Variants in C5orf24 observed in about 807,000 individuals in gnomAD.
C5orf24 encodes chromosome 5 open reading frame 24.
A neutral mutation model predicts 9.8 loss-of-function variants in C5orf24; 4 were observed. The ratio of observed to expected loss-of-function variants is 0.41; its 90% CI spans 0.20 to 0.93. C5orf24 has a LOEUF of 0.93. Ranked by LOEUF, C5orf24 falls within the 40% of genes least tolerant of loss-of-function variation. The probability of loss-of-function intolerance (pLI) is 0.33; values close to 1 mark genes in which losing one functional copy is unlikely to be tolerated. For synonymous variants in C5orf24, 73 were observed against 81.3 expected (o/e 0.90, Z 0.55); for missense variants, 170 against 236.9 (o/e 0.72, Z 1.85).
chr5:134,836,021 A>G, the C5orf24 span, among the ~76,000 whole-genome samples: 1 of 151,944 alleles, frequency 6.6e-6, no homozygotes, highest in African/African-American at 2.4e-5. Flanking sequence ...AAGTTGTAGA[A>G]TATTTATAAA....
intron 1 of C5orf24, among the ~76,000 whole-genome samples, chr5:134,853,275 C>T (rs1401197395): frequency 1.3e-5 from 2 of 151,084 alleles, no homozygotes; most frequent in African/African-American, 2.4e-5. Context: ...GCAGGAGAAT[C>T]GCTTGAACCC....
chr5:134,856,663 ATAAAT>A lies in C5orf24; in HGVS notation c.*1197_*1201del, dbSNP rs1756321978. 1 of 769,728 alleles carries A rather than the reference ATAAAT, an allele frequency of 1.3e-6. No homozygotes were observed. Among genetic ancestry groups the A allele is most frequent in the South Asian group, 6.1e-5 (1 of 16,452 alleles). The allele number at this position is 769,728 out of a possible 1,614,324, so 47.7% of individuals were successfully genotyped here. ...CTCAAATAAATAAATAAATAAATAA[ATAAAT>A]AAATAAATAAATAAAACCATTTATT... On this transcript the variant is annotated 3_prime_UTR_variant, in exon 2 of 2. Coordinates refer to ENST00000394976, the MANE Select transcript of C5orf24 (RefSeq NM_001135586.1).
the C5orf24 span, among the ~76,000 whole-genome samples, chr5:134,834,843 G>A: frequency 1.3e-5 from 2 of 152,040 alleles, no homozygotes; most frequent in African/African-American, 2.4e-5. Context: ...TTAGGAGTTC[G>A]AGACCAGCCT....
intron 1 of C5orf24, among the ~76,000 whole-genome samples, chr5:134,847,993 G>T (rs1392216259): frequency 3.3e-5 from 5 of 152,186 alleles, no homozygotes; most frequent in Non-Finnish European, 5.9e-5. Context: ...CTGAGCCACC[G>T]CGCCGGACCA....
intron 1 of C5orf24, among the ~76,000 whole-genome samples, chr5:134,847,681 G>A (rs1408815948): frequency 1.3e-5 from 2 of 150,412 alleles, no homozygotes; most frequent in African/African-American, 2.5e-5. Context: ...AGTCCACGCT[G>A]TCTGGAAATG....
chr5:134,853,486 C>G lies in C5orf24; in HGVS notation c.-3-1412C>G, dbSNP rs549319743. 2.3e-3 allele frequency among the ~76,000 whole-genome samples: 342 copies of G among 146,684 alleles called. 2 individuals are homozygous for G. The highest frequency in any genetic ancestry group is 8.4e-3 in the African/African-American group (338 of 40,192). On this transcript the variant is annotated intron_variant, in intron 1 of 1. Transcript: ENST00000394976. ...AAAAAAAAAAAATCACAGGGATGTC[C>G]TTACAGACAAAATAGAGACTTTGGA... is the stretch of plus-strand genomic sequence containing the variant.
upstream of C5orf24, among the ~76,000 whole-genome samples, chr5:134,841,881 T>G (rs182211241): frequency 1.8e-3 from 281 of 152,218 alleles, 4 homozygotes; most frequent in Admixed American, 0.017. Flanking sequence ...AAAAAGAGCT[T>G]CTAGAGGCCT....
In C5orf24 at chr5:134,846,002, C is replaced by G. The variant is rs887451530; in HGVS notation, c.-214C>G. 7.2e-5 allele frequency: 11 copies of G among 152,362 alleles called. No homozygotes were observed. The highest frequency in any genetic ancestry group is 2.6e-4 in the African/African-American group (11 of 41,586). 9.4% of individuals were successfully genotyped at this position (152,362 alleles called of 1,614,324 possible). ...GGGTGGTAGCGGCCTCTTCGTACTG[C>G]GTCCGGGGCAGGACCGTGCGCGGCG... On this transcript the variant is annotated 5_prime_UTR_variant, in exon 1 of 2. Coordinates refer to ENST00000394976, the MANE Select transcript of C5orf24 (RefSeq NM_001135586.1).
Position 134,856,780 on chromosome 5 carries a change from T to C in C5orf24, c.*1313T>C, listed in dbSNP as rs112492801. ...CACTTACTGTGTTTTCAGGTTGATATCTACCAAAGGACACAAATTGAATGG... is the reference window on the plus strand; with the variant it reads ...CACTTACTGTGTTTTCAGGTTGATACCTACCAAAGGACACAAATTGAATGG... On this transcript the variant is annotated 3_prime_UTR_variant, in exon 2 of 2. Coordinates refer to ENST00000394976, the MANE Select transcript of C5orf24 (RefSeq NM_001135586.1). 1,285 of 1,000,260 alleles carry C rather than the reference T, an allele frequency of 1.3e-3. 14 individuals carry two copies. The African/African-American group carries it at 0.021, about 16-fold the overall frequency. 62.0% of individuals were successfully genotyped at this position (1,000,260 alleles called of 1,614,324 possible). A position where few individuals can be genotyped will look rare whatever the true frequency, so the allele number is the denominator to read the frequency against.
At chr5:134,847,207 TTAAG>T (rs1165953207) in intron 1 of C5orf24, among the ~76,000 whole-genome samples, 6 of 152,328 alleles carry the variant, frequency 3.9e-5, no homozygotes, top group Non-Finnish European at 5.9e-5. Context: ...AGCTTATGCT[TTAAG>T]TATTCGAATT....
At chr5:134,850,777 G>A (rs186017688) in intron 1 of C5orf24, among the ~76,000 whole-genome samples, 14 of 151,538 alleles carry the variant, frequency 9.2e-5, no homozygotes, top group Admixed American at 2.6e-4. Context: ...ATGCCCAGCC[G>A]CACGACTAAT....
chr5:134,846,839 T>C (rs941757344), intron 1 of C5orf24: 1 of 152,210 alleles, frequency 6.6e-6, no homozygotes, highest in Non-Finnish European at 1.5e-5. Context: ...TGGCCTCTGC[T>C]GAATGGACTT....
upstream of C5orf24, among the ~76,000 whole-genome samples, chr5:134,841,866 A>G (rs1755897615): frequency 6.6e-6 from 1 of 152,172 alleles, no homozygotes; most frequent in Admixed American, 6.6e-5. Context: ...TTTATAATAT[A>G]TCCAAAAAAG....
the C5orf24 span, among the ~76,000 whole-genome samples, chr5:134,839,799 C>T: frequency 4.6e-5 from 7 of 151,440 alleles, no homozygotes; most frequent in South Asian, 4.2e-4. Flanking sequence ...AAGCAGTTCT[C>T]GTGTCTGCCT....
At chr5:134,850,919 CATAT>C (rs201093286) in intron 1 of C5orf24, among the ~76,000 whole-genome samples, 10 of 140,420 alleles carry the variant, frequency 7.1e-5, no homozygotes, top group African/African-American at 1.4e-4. Context: ...TATGAATGTT[CATAT>C]ATATATATAT....
intron 1 of C5orf24, chr5:134,846,926 A>C (rs1309870852): frequency 6.6e-6 from 1 of 152,208 alleles, no homozygotes; most frequent in Admixed American, 6.5e-5. Flanking sequence ...TAGTTAGTCA[A>C]ATGACCTGAA....
Position 134,856,777 on chromosome 5 carries a change from A to G in C5orf24, c.*1310A>G, listed in dbSNP as rs536068033. On this transcript the variant is annotated 3_prime_UTR_variant, in exon 2 of 2. Coordinates refer to ENST00000394976, the MANE Select transcript of C5orf24 (RefSeq NM_001135586.1). ...TAGCACTTACTGTGTTTTCAGGTTG[A>G]TATCTACCAAAGGACACAAATTGAA... The G allele has an allele frequency of 1.0e-6, 1 of 1,000,144 alleles. No individual in the cohort carries two copies. The highest frequency in any genetic ancestry group is 1.7e-5 in the African/African-American group (1 of 57,372). 62.0% of individuals were successfully genotyped at this position (1,000,144 alleles called of 1,614,324 possible). A position where few individuals can be genotyped will look rare whatever the true frequency, so the allele number is the denominator to read the frequency against.
chr5:134,857,322 C>G lies in C5orf24; in HGVS notation c.*1855C>G. 6.5e-7 allele frequency: 1 copy of G among 1,537,898 alleles called. No individual in the cohort carries two copies. The highest frequency in any genetic ancestry group is 1.4e-5 in the African/African-American group (1 of 72,934). The stretch of plus-strand genomic sequence containing the variant: ...TTGCTATTAATGCAAACTCTGATTG[C>G]AAATGGATGTCATGTTTCATACCTT... On this transcript the variant is annotated 3_prime_UTR_variant, in exon 2 of 2. Transcript: ENST00000394976.
At chr5:134,844,685 A>G (rs371151053), upstream of C5orf24, among the ~76,000 whole-genome samples, 4 of 152,056 alleles carry the variant, frequency 2.6e-5, no homozygotes, top group East Asian at 3.9e-4. Flanking sequence ...AAAAAATCCT[A>G]GCTTCCCAAC....
Sources: gnomAD v4.1 joint callset for allele counts (sites outside exome capture counted in the v4.1 genomes callset) on GRCh38, gnomAD v4.1.1 for gene constraint, MANE v1.5 for transcripts, NCBI Gene and HGNC (gene_info 2026-07-23, HGNC 2026-07-21) for gene names.